CDH13: variants seen among roughly 807,000 people sequenced by gnomAD.
The protein encoded by CDH13 is cadherin-13.
Under a neutral mutation model 63.8 loss-of-function variants are expected in CDH13, and 24 were observed. That is an observed-to-expected ratio of 0.38 (90% confidence interval 0.27 to 0.53). The LOEUF is 0.53. Ranked by LOEUF, CDH13 falls within the 20% of genes least tolerant of loss-of-function variation. The probability of loss-of-function intolerance (pLI) is 0.85; values close to 1 mark genes in which losing one functional copy is unlikely to be tolerated. For synonymous variants in CDH13, 503 were observed against 355.3 expected (o/e 1.42, Z -4.67); for missense variants, 1,049 against 903.1 (o/e 1.16, Z -2.07).
chr16:82,688,218 C>T (rs780963419), intron 1 of CDH13, among the ~76,000 whole-genome samples: 3 of 152,188 alleles, frequency 2.0e-5, no homozygotes, highest in Non-Finnish European at 4.4e-5. Context: ...CTGGCAGCAA[C>T]TGCTACTTCC....
intron 4 of CDH13, among the ~76,000 whole-genome samples, chr16:83,171,977 G>T (rs188440502): frequency 2.0e-5 from 3 of 152,220 alleles, no homozygotes; most frequent in Admixed American, 1.3e-4. Context: ...CCCATTCTCA[G>T]GGGTAGCTGC....
At chr16:82,827,174 T>G (rs938106705) in intron 1 of CDH13, among the ~76,000 whole-genome samples, 1 of 152,174 alleles carries the variant, frequency 6.6e-6, no homozygotes, top group African/African-American at 2.4e-5. Context: ...TAAAATGTAG[T>G]TGTTGGACTC....
chr16:83,061,922 G>C lies in CDH13; in HGVS notation c.366+29704G>C, dbSNP rs151157753. Among the ~76,000 whole-genome samples, 13 of 152,330 alleles carry C rather than the reference G, an allele frequency of 8.5e-5. No individual in the cohort carries two copies. The East Asian group carries it at 2.1e-3, about 25-fold the overall frequency. On this transcript the variant is annotated intron_variant, in intron 3 of 13. Transcript: ENST00000567109. ...CCAGGAGATGCTTACCTGAAGGAGAGGCCCTCTAGAGAGGCTGTGAGAACT... is the reference window on the plus strand; with the variant it reads ...CCAGGAGATGCTTACCTGAAGGAGACGCCCTCTAGAGAGGCTGTGAGAACT...
chr16:83,429,920 C>G (rs1175748737), intron 6 of CDH13, among the ~76,000 whole-genome samples: 1 of 152,204 alleles, frequency 6.6e-6, no homozygotes, highest in Non-Finnish European at 1.5e-5. Context: ...TGGCTGAAAA[C>G]TGATGCCCAT....
intron 2 of CDH13, among the ~76,000 whole-genome samples, chr16:83,017,379 A>C (rs1340752573): frequency 6.6e-6 from 1 of 152,174 alleles, no homozygotes; most frequent in African/African-American, 2.4e-5. Flanking sequence ...CTGTGCTGCT[A>C]AGCTGTAGAA....
chr16:82,839,114 A>G (rs528784752), intron 1 of CDH13, among the ~76,000 whole-genome samples: 5 of 152,192 alleles, frequency 3.3e-5, no homozygotes, highest in Admixed American at 2.6e-4. Context: ...TTGCCAATCA[A>G]TGGTTTAGCC....
At chr16:82,809,013 G>A (rs574345004) in intron 1 of CDH13, among the ~76,000 whole-genome samples, 37 of 152,038 alleles carry the variant, frequency 2.4e-4, no homozygotes, top group Admixed American at 5.9e-4. Flanking sequence ...ATATATACAC[G>A]TTATATATAT....
intron 3 of CDH13, among the ~76,000 whole-genome samples, chr16:83,059,104 T>A (rs372483458): frequency 5.3e-4 from 81 of 152,186 alleles, no homozygotes; most frequent in African/African-American, 1.8e-3. Flanking sequence ...CATGGGGACA[T>A]TGAGAAGAGG....
At chr16:83,054,617 A>C (rs2151511229) in intron 3 of CDH13, among the ~76,000 whole-genome samples, 1 of 152,318 alleles carries the variant, frequency 6.6e-6, no homozygotes, top group Middle Eastern at 3.4e-3. Flanking sequence ...ATATTTTCAG[A>C]CTGCAATTGA....
intron 2 of CDH13, among the ~76,000 whole-genome samples, chr16:82,887,439 C>T (rs1284353437): frequency 6.6e-6 from 1 of 152,116 alleles, no homozygotes; most frequent in Admixed American, 6.5e-5. Context: ...GTTAGAAAAT[C>T]CTTGGAGGAC....
At chr16:82,815,826 T>A (rs1016702702) in intron 1 of CDH13, among the ~76,000 whole-genome samples, 2 of 152,216 alleles carry the variant, frequency 1.3e-5, no homozygotes, top group African/African-American at 2.4e-5. Flanking sequence ...ATGCATTATA[T>A]TCCAGATAGT....
chr16:82,649,195 G>C (rs1046344738), intron 1 of CDH13, among the ~76,000 whole-genome samples: 2 of 152,124 alleles, frequency 1.3e-5, no homozygotes, highest in African/African-American at 4.8e-5. Flanking sequence ...TGACATAATA[G>C]AAGATTAGAG....
chr16:83,374,540 G>GTTGTGCA (rs2091427524), intron 6 of CDH13, among the ~76,000 whole-genome samples: 1 of 152,150 alleles, frequency 6.6e-6, no homozygotes, highest in Non-Finnish European at 1.5e-5. Flanking sequence ...GTTTTCCTGG[G>GTTGTGCA]TTGTGCATTG....
intron 1 of CDH13, among the ~76,000 whole-genome samples, chr16:82,806,179 C>T (rs60499556): frequency 0.064 from 9,679 of 152,238 alleles, 1,026 homozygotes; most frequent in African/African-American, 0.22. Context: ...TCTCTTGCTT[C>T]CTTGCTGAAC....
chr16:83,275,549 G>A (rs917122963), intron 5 of CDH13, among the ~76,000 whole-genome samples: 11 of 142,388 alleles, frequency 7.7e-5, no homozygotes, highest in African/African-American at 2.7e-4. Context: ...TGAGAGAGAT[G>A]GAGAAGATGC....
intron 5 of CDH13, among the ~76,000 whole-genome samples, chr16:83,242,073 C>G (rs1396989370): frequency 6.6e-6 from 1 of 152,190 alleles, no homozygotes; most frequent in African/African-American, 2.4e-5. Context: ...TTTCCAAACA[C>G]CATTTGGGGC....
chr16:82,996,265 GA>G (rs1238298909), intron 2 of CDH13, among the ~76,000 whole-genome samples: 1 of 150,188 alleles, frequency 6.7e-6, no homozygotes, highest in African/African-American at 2.4e-5. Context: ...GTAAGAAAAA[GA>G]AAAAAAAAGA....
At chr16:82,705,297 A>C (rs955431273) in intron 1 of CDH13, 4 of 371,686 alleles carry the variant, frequency 1.1e-5, no homozygotes, top group Non-Finnish European at 2.1e-5. Flanking sequence ...ATATATTCTT[A>C]CTTAAGATCT....
At chr16:83,106,544 C>G (rs7205046) in intron 3 of CDH13, among the ~76,000 whole-genome samples, 13,965 of 151,976 alleles carry the variant, frequency 0.092, 702 homozygotes, top group African/African-American at 0.13. Flanking sequence ...CCACCTCAAA[C>G]AAAACAAAAC....
Sources: gnomAD v4.1 joint callset for allele counts (sites outside exome capture counted in the v4.1 genomes callset) on GRCh38, gnomAD v4.1.1 for gene constraint, MANE v1.5 for transcripts, NCBI Gene and HGNC (gene_info 2026-07-23, HGNC 2026-07-21) for gene names.